Variants in NEK6 observed in about 807,000 individuals in gnomAD.
NEK6 encodes serine/threonine-protein kinase Nek6.
NEK6 carries 27 observed loss-of-function variants against 43.5 expected under a neutral mutation model. The ratio of observed to expected loss-of-function variants is 0.62; its 90% CI spans 0.46 to 0.86. The LOEUF (loss-of-function observed/expected upper bound fraction) is 0.86, where lower values mean the gene tolerates loss of function less well. NEK6 is among the 40% of genes least tolerant of loss of function. The probability of loss-of-function intolerance (pLI) is 0.00; values close to 1 mark genes in which losing one functional copy is unlikely to be tolerated. For missense variants in NEK6, 318 were observed against 414.4 expected (o/e 0.77, Z 2.02); for synonymous variants, 167 against 164.1 (o/e 1.02, Z -0.14).
At chr9:124,298,657 T>G (rs1053361374) in intron 1 of NEK6, among the ~76,000 whole-genome samples, 2 of 152,076 alleles carry the variant, frequency 1.3e-5, no homozygotes, top group Non-Finnish European at 2.9e-5. Context: ...TAAGAACCTG[T>G]GGGGAGTGCA....
chr9:124,310,429 C>T (rs1833473133), intron 2 of NEK6, among the ~76,000 whole-genome samples: 1 of 152,310 alleles, frequency 6.6e-6, no homozygotes, highest in Admixed American at 6.5e-5. Flanking sequence ...TCCAGCAGCC[C>T]TCCAGATCGG....
chr9:124,301,057 G>T (rs1348566512), intron 1 of NEK6, among the ~76,000 whole-genome samples: 3 of 152,192 alleles, frequency 2.0e-5, no homozygotes, highest in Non-Finnish European at 4.4e-5. Context: ...CTTGTGGGGT[G>T]AGCGCAGGTC....
chr9:124,311,312 C>A (rs1327627018), intron 2 of NEK6, among the ~76,000 whole-genome samples: 1 of 152,182 alleles, frequency 6.6e-6, no homozygotes, highest in Non-Finnish European at 1.5e-5. Context: ...TCACTAGGGG[C>A]GGTGGCATGG....
intron 6 of NEK6, 62 bp from the exon 7 acceptor site, chr9:124,327,276 G>C: frequency 1.5e-6 from 2 of 1,376,534 alleles, no homozygotes; most frequent in Non-Finnish European, 1.0e-6. Flanking sequence ...CCTTCCTCTC[G>C]TCCTGCCCCA....
chr9:124,284,696 G>A (rs1197167281), intron 1 of NEK6, among the ~76,000 whole-genome samples: 1 of 152,204 alleles, frequency 6.6e-6, no homozygotes, highest in Non-Finnish European at 1.5e-5. Context: ...GACGCCTGTG[G>A]AGGGAAGAAT....
At chr9:124,317,882 C>T (rs1163218422) in intron 4 of NEK6, among the ~76,000 whole-genome samples, 1 of 152,198 alleles carries the variant, frequency 6.6e-6, no homozygotes, top group Admixed American at 6.5e-5. Context: ...GCATAATATT[C>T]TATTGTATAC....
At chr9:124,260,628 T>A (rs1247158447) in intron 1 of NEK6, among the ~76,000 whole-genome samples, 1 of 152,214 alleles carries the variant, frequency 6.6e-6, no homozygotes, top group East Asian at 1.9e-4. Context: ...CTCGAACTCC[T>A]GACCTCAGGT....
chr9:124,264,914 G>A (rs1015414863), intron 1 of NEK6, among the ~76,000 whole-genome samples: 18 of 152,030 alleles, frequency 1.2e-4, no homozygotes, highest in Admixed American at 1.1e-3. Context: ...CGTGAGCTCC[G>A]GGGAGGCGAA....
chr9:124,313,288 A>G (rs1006975260), intron 3 of NEK6, among the ~76,000 whole-genome samples: 1 of 152,156 alleles, frequency 6.6e-6, no homozygotes, highest in Non-Finnish European at 1.5e-5. Flanking sequence ...CGTTGGGGAA[A>G]TGGGGAGAGA....
intron 7 of NEK6, among the ~76,000 whole-genome samples, chr9:124,331,258 T>C (rs1329187952): frequency 7.6e-5 from 2 of 26,194 alleles, no homozygotes; most frequent in African/African-American, 1.0e-4. Context: ...CGACTCTGTC[T>C]CAAAAAAAAA....
At chr9:124,277,796 C>T (rs968919897) in intron 1 of NEK6, among the ~76,000 whole-genome samples, 3 of 152,218 alleles carry the variant, frequency 2.0e-5, no homozygotes, top group Non-Finnish European at 4.4e-5. Context: ...GGCAGGTCGG[C>T]GGCCACGGAA....
At chr9:124,277,271 C>G (rs1237114369) in intron 1 of NEK6, among the ~76,000 whole-genome samples, 7 of 152,162 alleles carry the variant, frequency 4.6e-5, no homozygotes, top group Non-Finnish European at 1.0e-4. Context: ...ATGGTGAAAT[C>G]CCACCTCTAC....
intron 1 of NEK6, chr9:124,292,490 C>G: frequency 6.5e-7 from 1 of 1,537,110 alleles, no homozygotes; most frequent in Non-Finnish European, 8.7e-7. Flanking sequence ...AAAGCTTTCC[C>G]TGCATGGAGG....
At chr9:124,285,463 A>G (rs967164773) in intron 1 of NEK6, among the ~76,000 whole-genome samples, 1 of 152,198 alleles carries the variant, frequency 6.6e-6, no homozygotes, top group Admixed American at 6.5e-5. Context: ...TGAGGCTCTC[A>G]GCAAGGCTCA....
rs1831631707 is a variant in NEK6 at position 124,275,913 on chromosome 9, G to C, written c.-30+17828G>C. On this transcript the variant is annotated intron_variant, in intron 1 of 9. Coordinates refer to ENST00000320246, the MANE Select transcript of NEK6 (RefSeq NM_014397.6). This position sits in a 1 kb window ranked among gnomAD's most constrained non-coding sequence, Gnocchi z 4.4. ...TAGGTCAGCGGGACGGATGGAACCA[G>C]CTCTGTGACTCACATACCCATTGTG... Among the ~76,000 whole-genome samples, 1 of 152,254 alleles carries C rather than the reference G, an allele frequency of 6.6e-6. No individual in the cohort carries two copies. Among genetic ancestry groups the C allele is most frequent in the Non-Finnish European group, 1.5e-5 (1 of 68,046 alleles).
Position 124,352,480 on chromosome 9 carries a change from AAACTT to A in NEK6, c.*1536_*1540del, listed in dbSNP as rs768557773. The A allele has an allele frequency of 6.6e-6, 1 of 152,236 alleles. No homozygotes were observed. The highest frequency in any genetic ancestry group is 2.4e-5 in the African/African-American group (1 of 41,452). 9.4% of individuals were successfully genotyped at this position (152,236 alleles called of 1,614,324 possible). On this transcript the variant is annotated 3_prime_UTR_variant, in exon 10 of 10. Coordinates refer to ENST00000320246, the MANE Select transcript of NEK6 (RefSeq NM_014397.6). Reference sequence around the variant, plus strand: ...TTTTGCTTTTAAACCAGTAGATTCAAAACTTAAACAGCGTCTGCAGCACAATTTCT... The same window carrying A: ...TTTTGCTTTTAAACCAGTAGATTCAAAAACAGCGTCTGCAGCACAATTTCT...
At chr9:124,325,616 G>A (rs988536807) in intron 5 of NEK6, among the ~76,000 whole-genome samples, 3 of 152,280 alleles carry the variant, frequency 2.0e-5, no homozygotes, top group Non-Finnish European at 2.9e-5. Context: ...AGCCGTGGCT[G>A]TCACATGCTC....
chr9:124,318,891 GA>G (rs1833938007), intron 4 of NEK6, among the ~76,000 whole-genome samples: 2 of 152,082 alleles, frequency 1.3e-5, no homozygotes, highest in Admixed American at 6.5e-5. Context: ...GGCTGGTCTT[GA>G]ACTCCTGACT....
intron 1 of NEK6, among the ~76,000 whole-genome samples, chr9:124,276,711 AT>A (rs1423330918): frequency 1.3e-5 from 2 of 152,234 alleles, no homozygotes; most frequent in Admixed American, 6.5e-5. Flanking sequence ...TTAAACAATA[AT>A]TCCTCCTCCT....
Sources: gnomAD v4.1 joint callset for allele counts (sites outside exome capture counted in the v4.1 genomes callset) on GRCh38, gnomAD v4.1.1 for gene constraint, Gnocchi (gnomAD v3.1) non-coding constraint, MANE v1.5 for transcripts, NCBI Gene and HGNC (gene_info 2026-07-23, HGNC 2026-07-21) for gene names.